Variants in KLHL1 observed in about 807,000 individuals in gnomAD.
KLHL1 encodes kelch like family member 1, also known as kelch-like protein 1.
In KLHL1, 47 loss-of-function variants were observed where a neutral mutation model predicts 77.7. The observed-to-expected ratio is 0.60, with a 90% CI of 0.48 to 0.77. The LOEUF is 0.77. KLHL1 is among the 30% of genes least tolerant of loss of function. KLHL1 has a pLI of 0.00. For missense variants in KLHL1, 925 were observed against 910.8 expected (o/e 1.02, Z -0.20); for synonymous variants, 360 against 325.2 (o/e 1.11, Z -1.15).
At position 69,796,883 on chromosome 13, in the gene KLHL1, C is replaced by T. The variant is rs749791126; in HGVS notation, c.1494G>A (p.Gln498=). 4.1e-5 allele frequency: 66 copies of T among 1,614,034 alleles called. No individual in the cohort carries two copies. The highest frequency in any genetic ancestry group is 5.3e-5 in the Non-Finnish European group (63 of 1,180,022). The change falls in exon 7 of 11, where the codon CAG becomes CAA. Residue 498 remains glutamine, a synonymous_variant. Transcript: ENST00000377844. ...TGTCATCAATAACAGCCACACCAAA[C>T]TGCAGCCTTCTGCCATTCATCATCC... The part of the protein sequence containing the change: ...QAGMMNGRRL[Q]FGVAVIDDKL...
chr13:70,065,086 C>T (rs1368330807), intron 1 of KLHL1, among the ~76,000 whole-genome samples: 2 of 152,206 alleles, frequency 1.3e-5, no homozygotes, highest in Non-Finnish European at 2.9e-5. Flanking sequence ...AGACTTGATA[C>T]TCTAACCCTG....
intron 7 of KLHL1, 36 bp from the exon 8 acceptor site, chr13:69,740,592 T>C (rs751738305): frequency 2.7e-6 from 4 of 1,493,570 alleles, no homozygotes; most frequent in Non-Finnish European, 3.7e-6. Flanking sequence ...GTGCCTATAG[T>C]TAATATCATA....
rs142895354 is a variant in KLHL1, at chr13:69,927,896, C to A, written c.1014+12144G>T. On this transcript the variant is annotated intron_variant, in intron 4 of 10. Coordinates refer to ENST00000377844, the MANE Select transcript of KLHL1 (RefSeq NM_020866.3). The stretch of plus-strand genomic sequence containing the variant: ...TATCACTCCCAGGCACATACACCCC[C>A]AAATGAAAATATTATGTTCACACAA... 6.1e-4 allele frequency among the ~76,000 whole-genome samples: 93 copies of A among 152,228 alleles called. 2 individuals carry two copies. Among genetic ancestry groups the A allele is most frequent in the African/African-American group, 2.2e-3 (91 of 41,552 alleles).
intron 1 of KLHL1, among the ~76,000 whole-genome samples, chr13:70,017,075 A>T (rs1885677169): frequency 6.6e-6 from 1 of 152,164 alleles, no homozygotes; most frequent in African/African-American, 2.4e-5. Context: ...CTGCCGCTCA[A>T]TGAAGCTCTT....
At chr13:69,715,677 T>A (rs919895040) in intron 9 of KLHL1, among the ~76,000 whole-genome samples, 10 of 152,046 alleles carry the variant, frequency 6.6e-5, no homozygotes, top group African/African-American at 2.4e-4. Context: ...AATTTGAGCA[T>A]AATTGCTCAC....
At position 69,783,520 on chromosome 13, in the gene KLHL1, G is replaced by A. The variant is rs528596078; in HGVS notation, c.1639+13218C>T. On this transcript the variant is annotated intron_variant, in intron 7 of 10. Coordinates refer to ENST00000377844, the MANE Select transcript of KLHL1 (RefSeq NM_020866.3). Reference sequence around the variant, plus strand: ...CTGAAAGCCAAGGCTTGAGAACTACGTGAAGAATGCAGAAGCCTCAGGAGC... The same window carrying A: ...CTGAAAGCCAAGGCTTGAGAACTACATGAAGAATGCAGAAGCCTCAGGAGC... Among the ~76,000 whole-genome samples the A allele has an allele frequency of 4.5e-3, 690 of 152,148 alleles. 10 individuals are homozygous for A. The highest frequency in any genetic ancestry group is 0.016 in the African/African-American group (652 of 41,490).
chr13:69,755,023 T>C (rs916995711), intron 7 of KLHL1, among the ~76,000 whole-genome samples: 2 of 152,096 alleles, frequency 1.3e-5, no homozygotes, highest in Non-Finnish European at 2.9e-5. Flanking sequence ...TGTTACAGAC[T>C]GAAATGATTT....
Position 70,073,557 on chromosome 13 carries a change from TAAAA to T in KLHL1, c.497+33642_497+33645del. Among the ~76,000 whole-genome samples, 4 of 150,234 alleles carry T rather than the reference TAAAA, an allele frequency of 2.7e-5. 1 individual carries two copies. The South Asian group carries it at 8.4e-4, about 31-fold the overall frequency. ...ATGTACCCTAAAACTTAAAGTGTAA[TAAAA>T]AAAAAAATGTAGGCAATAGCCCAGG... is the stretch of plus-strand genomic sequence containing the variant. On this transcript the variant is annotated intron_variant, in intron 1 of 10. Coordinates refer to ENST00000377844, the MANE Select transcript of KLHL1 (RefSeq NM_020866.3).
At chr13:69,702,448 C>A (rs1014343860) in intron 10 of KLHL1, among the ~76,000 whole-genome samples, 5 of 151,678 alleles carry the variant, frequency 3.3e-5, no homozygotes, top group African/African-American at 1.2e-4. Context: ...ATAATTTGAG[C>A]TTTTTGATAT....
intron 4 of KLHL1, among the ~76,000 whole-genome samples, chr13:69,928,211 T>C (rs116419352): frequency 0.013 from 1,905 of 152,316 alleles, 37 homozygotes; most frequent in African/African-American, 0.042. Context: ...AAGACTCTCA[T>C]AGAGGAAAAT....
chr13:69,906,805 A>G (rs749779227), intron 4 of KLHL1, among the ~76,000 whole-genome samples: 4 of 151,982 alleles, frequency 2.6e-5, no homozygotes, highest in Non-Finnish European at 5.9e-5. Flanking sequence ...ATCTTGCTCC[A>G]TCTTATCAAA....
intron 1 of KLHL1, among the ~76,000 whole-genome samples, chr13:70,099,828 A>C (rs1004754936): frequency 2.0e-5 from 3 of 151,994 alleles, no homozygotes; most frequent in Non-Finnish European, 4.4e-5. Flanking sequence ...AAGTTGTTAA[A>C]TTTTTTATAT....
At chr13:69,977,998 G>A (rs1884597182) in intron 1 of KLHL1, among the ~76,000 whole-genome samples, 1 of 151,992 alleles carries the variant, frequency 6.6e-6, no homozygotes, top group Non-Finnish European at 1.5e-5. Flanking sequence ...GACTTTTCAA[G>A]TTCTCCTTTA....
At chr13:69,794,260 C>T (rs1475616014) in intron 7 of KLHL1, among the ~76,000 whole-genome samples, 1 of 152,150 alleles carries the variant, frequency 6.6e-6, no homozygotes, top group Non-Finnish European at 1.5e-5. Flanking sequence ...CTTAGGGCTT[C>T]ATGCCCAGCT....
At chr13:70,001,586 TC>T (rs1885289439) in intron 1 of KLHL1, among the ~76,000 whole-genome samples, 1 of 108,890 alleles carries the variant, frequency 9.2e-6, no homozygotes, top group Non-Finnish European at 1.9e-5. Context: ...TATGTGTCTA[TC>T]TATCTATCTA....
chr13:70,044,970 G>A (rs1886461097), intron 1 of KLHL1, among the ~76,000 whole-genome samples: 2 of 152,062 alleles, frequency 1.3e-5, no homozygotes, highest in South Asian at 2.1e-4. Context: ...AACCTTCTAT[G>A]ACCAAGTTAT....
intron 8 of KLHL1, among the ~76,000 whole-genome samples, chr13:69,733,367 G>A (rs1873632915): frequency 6.6e-6 from 1 of 152,078 alleles, no homozygotes; most frequent in Non-Finnish European, 1.5e-5. Flanking sequence ...AACAATGTGA[G>A]AAGACACAGG....
chr13:70,050,089 T>C (rs1593703283), intron 1 of KLHL1, among the ~76,000 whole-genome samples: 2 of 152,108 alleles, frequency 1.3e-5, no homozygotes, highest in South Asian at 2.1e-4. Context: ...CTTTCATTGA[T>C]TATTTAAATT....
chr13:69,850,210 T>C (rs563317302), intron 5 of KLHL1, among the ~76,000 whole-genome samples: 1 of 151,694 alleles, frequency 6.6e-6, no homozygotes, highest in East Asian at 1.9e-4. Context: ...TTCCCATTAC[T>C]CTTCTTCCTG....
Sources: allele counts gnomAD v4.1 joint callset (sites outside exome capture counted in the v4.1 genomes callset), GRCh38; gene constraint gnomAD v4.1.1; transcripts MANE v1.5; gene names NCBI Gene and HGNC (gene_info 2026-07-23, HGNC 2026-07-21).